Variants in NDST4 observed in about 807,000 individuals in gnomAD.
The protein encoded by NDST4 is N-heparan sulfate sulfotransferase 4.
Under a neutral mutation model 100.8 loss-of-function variants are expected in NDST4, and 63 were observed. The observed-to-expected ratio is 0.62, with a 90% confidence interval of 0.51 to 0.77. The LOEUF is 0.77. Among genes scored for constraint, NDST4 ranks in the 30% least tolerant of loss-of-function variants. The pLI is 0.00. For missense variants in NDST4, 943 were observed against 1,018.4 expected, an observed-to-expected ratio of 0.93 and a Z score of 1.01; for synonymous variants, 377 against 361.8, an observed-to-expected ratio of 1.04 and a Z score of -0.48.
Position 114,917,269 on chromosome 4 carries a change from C to T in NDST4, c.1536+17937G>A, listed in dbSNP as rs150916092. Among the ~76,000 whole-genome samples, 12 of 152,160 alleles carry T rather than the reference C, an allele frequency of 7.9e-5. No individual in the cohort carries two copies. In the East Asian group the frequency reaches 2.3e-3, roughly 29 times the overall value. On this transcript the variant is annotated intron_variant, in intron 6 of 13. Transcript: ENST00000264363. ...GCACATATGCTTTTGTTTTACTGAA[C>T]ATTTTTGATCTGAGATTGTTTGAAT...
At chr4:114,919,994 C>A (rs183618137) in intron 6 of NDST4, among the ~76,000 whole-genome samples, 2 of 152,166 alleles carry the variant, frequency 1.3e-5, no homozygotes, top group East Asian at 1.9e-4. Flanking sequence ...AGTTGCCTAC[C>A]CTCTAGAAAG....
rs116826918 is a variant in NDST4 at position 114,961,066 on chromosome 4, G to T, written c.1221+9364C>A. The stretch of plus-strand genomic sequence containing the variant: ...GAAAAGCCACTGTGAAATTGAAAAA[G>T]ATTCTGAGAAGTTAAAATGTATATT... On this transcript the variant is annotated intron_variant, in intron 4 of 13. Coordinates refer to ENST00000264363, the MANE Select transcript of NDST4 (RefSeq NM_022569.3). Among the ~76,000 whole-genome samples, 1,342 of 152,140 alleles carry T rather than the reference G, an allele frequency of 8.8e-3. 14 individuals are homozygous for T. Among genetic ancestry groups the T allele is most frequent in the African/African-American group, 0.029 (1,198 of 41,536 alleles).
intron 2 of NDST4, among the ~76,000 whole-genome samples, chr4:115,028,801 G>A (rs1387599515): frequency 6.6e-6 from 1 of 152,138 alleles, no homozygotes; most frequent in Non-Finnish European, 1.5e-5. Flanking sequence ...TACATTGGGT[G>A]AGAACTGAAC....
At chr4:115,008,138 T>C (rs1384720046) in intron 2 of NDST4, among the ~76,000 whole-genome samples, 1 of 129,878 alleles carries the variant, frequency 7.7e-6, no homozygotes, top group African/African-American at 2.9e-5. Context: ...AGCACACTGA[T>C]GGGTCTTGAC....
intron 4 of NDST4, among the ~76,000 whole-genome samples, chr4:114,945,620 T>C (rs1336133430): frequency 1.3e-5 from 2 of 152,220 alleles, no homozygotes; most frequent in Non-Finnish European, 2.9e-5. Flanking sequence ...TGTAAAGAGA[T>C]AATGCATTAA....
At chr4:115,006,975 A>G (rs764810233) in intron 2 of NDST4, among the ~76,000 whole-genome samples, 3 of 152,174 alleles carry the variant, frequency 2.0e-5, no homozygotes, top group Non-Finnish European at 4.4e-5. Context: ...TACAATTGTG[A>G]GAATTATAAA....
chr4:115,019,099 T>C (rs908374252), intron 2 of NDST4, among the ~76,000 whole-genome samples: 1 of 152,040 alleles, frequency 6.6e-6, no homozygotes, highest in African/African-American at 2.4e-5. Flanking sequence ...CCATTCCTTC[T>C]GGATACTACA....
chr4:114,936,141 T>A (rs1216492636), intron 5 of NDST4, among the ~76,000 whole-genome samples: 1 of 152,120 alleles, frequency 6.6e-6, no homozygotes. Context: ...CCATACAAGA[T>A]CCAATGATGT....
intron 1 of NDST4, among the ~76,000 whole-genome samples, chr4:115,111,568 A>T (rs907631636): frequency 6.6e-6 from 1 of 151,588 alleles, no homozygotes. Context: ...ATATATTTGC[A>T]TTTTTATTTA....
chr4:115,089,413 G>A (rs1177624634), intron 1 of NDST4, among the ~76,000 whole-genome samples: 1 of 151,648 alleles, frequency 6.6e-6, no homozygotes, highest in Non-Finnish European at 1.5e-5. Flanking sequence ...TTTCATAACT[G>A]TAAGTTTGCT....
At chr4:115,089,498 C>T (rs1304041965) in intron 1 of NDST4, among the ~76,000 whole-genome samples, 1 of 151,848 alleles carries the variant, frequency 6.6e-6, no homozygotes, top group Non-Finnish European at 1.5e-5. Context: ...AGTCTTTCTT[C>T]CTCTAAATCT....
At chr4:115,021,716 T>G (rs959516034) in intron 2 of NDST4, among the ~76,000 whole-genome samples, 1 of 152,064 alleles carries the variant, frequency 6.6e-6, no homozygotes, top group East Asian at 1.9e-4. Flanking sequence ...ACACATTCCA[T>G]ATATATACGT....
chr4:114,970,122 G>A (rs1004423916), intron 4 of NDST4, among the ~76,000 whole-genome samples: 10 of 149,768 alleles, frequency 6.7e-5, no homozygotes, highest in African/African-American at 2.5e-4. Context: ...AAGAATGAAA[G>A]TTGTACTATT....
chr4:114,988,678 G>A (rs992778151), intron 2 of NDST4, among the ~76,000 whole-genome samples: 1 of 151,980 alleles, frequency 6.6e-6, no homozygotes, highest in African/African-American at 2.4e-5. Flanking sequence ...GTCTTTAAAT[G>A]TGTACCCCCA....
intron 6 of NDST4, among the ~76,000 whole-genome samples, chr4:114,933,426 C>CTTTTCCTTTTTTTTTTTTT (rs1553955155): frequency 2.8e-5 from 3 of 107,050 alleles, no homozygotes; most frequent in East Asian, 3.1e-4. Flanking sequence ...TTGATTTTTT[C>CTTTTCCTTTTTTTTTTTTT]TTTTCCTTTT....
At chr4:114,853,557 C>A (rs1723725856) in intron 7 of NDST4, among the ~76,000 whole-genome samples, 2 of 152,034 alleles carry the variant, frequency 1.3e-5, no homozygotes, top group Non-Finnish European at 2.9e-5. Flanking sequence ...ATTAAAAGGG[C>A]TTTTAAAATT....
chr4:115,033,144 TATATATATATATA>T (rs1728152972), intron 2 of NDST4, among the ~76,000 whole-genome samples: 1 of 129,162 alleles, frequency 7.7e-6, no homozygotes, highest in Admixed American at 8.0e-5. Context: ...TATATATATA[TATATATATATATA>T]TTTTTTTTTT....
At chr4:115,074,416 A>C (rs1342382455) in intron 2 of NDST4, among the ~76,000 whole-genome samples, 1 of 152,080 alleles carries the variant, frequency 6.6e-6, no homozygotes, top group African/African-American at 2.4e-5. Flanking sequence ...CACTCAAAGA[A>C]CCTTTTGAAG....
rs189829895 is a variant in NDST4, at chr4:114,827,783, G to C, written c.*33C>G. On this transcript the variant is annotated 3_prime_UTR_variant, in exon 14 of 14. Coordinates refer to ENST00000264363, the MANE Select transcript of NDST4 (RefSeq NM_022569.3). ...ATTTATTTTTTTTTTAACACTAAAAGTATCTTGAGAGGCTTAGTTCTTGTC... is the reference window on the plus strand; with the variant it reads ...ATTTATTTTTTTTTTAACACTAAAACTATCTTGAGAGGCTTAGTTCTTGTC... 7 of 1,594,158 alleles carry C rather than the reference G, an allele frequency of 4.4e-6. No homozygotes were observed. In the Admixed American group the frequency reaches 7.1e-5, roughly 16 times the overall value.
Sources: gnomAD v4.1 joint callset for allele counts (sites outside exome capture counted in the v4.1 genomes callset) on GRCh38, gnomAD v4.1.1 for gene constraint, MANE v1.5 for transcripts, NCBI Gene and HGNC (gene_info 2026-07-23, HGNC 2026-07-21) for gene names.